DMD: variants seen among roughly 807,000 people sequenced by gnomAD.
DMD encodes the protein dystrophin.
In DMD, 63 loss-of-function variants were observed where a neutral mutation model predicts 330.1. The ratio of observed to expected loss-of-function variants is 0.19; its 90% CI spans 0.16 to 0.24. DMD has a LOEUF of 0.24. Among genes scored for constraint, DMD ranks in the 10% least tolerant of loss-of-function variants. DMD has a pLI of 1.00. For missense variants in DMD, 3,344 were observed against 2,684.1 expected (o/e 1.25, Z -5.43); for synonymous variants, 1,223 against 959.8 (o/e 1.27, Z -5.07).
chrX:33,119,357 T>G (rs1247241632), intron 1 of DMD, among the ~76,000 whole-genome samples: 1 of 112,761 alleles, frequency 8.9e-6, no homozygotes, highest in Admixed American at 9.4e-5. Context: ...ATGATGTTGT[T>G]TGTGACTCAG....
At chrX:32,885,499 C>A (rs2084429554) in intron 2 of DMD, among the ~76,000 whole-genome samples, 1 of 111,252 alleles carries the variant, frequency 9.0e-6, no homozygotes, top group African/African-American at 3.3e-5. Context: ...AGAAAACATG[C>A]ACATTACTTT....
chrX:33,077,677 A>AGTAT (rs2094866621), intron 1 of DMD, among the ~76,000 whole-genome samples: 1 of 112,024 alleles, frequency 8.9e-6, no homozygotes, highest in African/African-American at 3.2e-5. Flanking sequence ...TTATGTGAAT[A>AGTAT]GCCTACTATA....
chrX:31,366,507 A>AAAAAAAAAT (rs1556574494), intron 60 of DMD, among the ~76,000 whole-genome samples: 7 of 85,915 alleles, frequency 8.1e-5, no homozygotes, highest in African/African-American at 1.4e-4. Flanking sequence ...CATAAAAAAA[A>AAAAAAAAAT]AAATAAATAA....
intron 7 of DMD, among the ~76,000 whole-genome samples, chrX:32,724,146 C>G (rs765384868): frequency 1.8e-5 from 2 of 112,004 alleles, no homozygotes; most frequent in South Asian, 7.3e-4. Context: ...TTGAGGAAAT[C>G]CTTTCAAAAA....
intron 47 of DMD, among the ~76,000 whole-genome samples, chrX:31,915,408 A>G (rs1041016212): frequency 2.7e-5 from 3 of 112,110 alleles, no homozygotes; most frequent in Non-Finnish European, 5.6e-5. Context: ...ACATATCTAT[A>G]TTGTTTGAAA....
At chrX:31,683,764 G>T (rs2082520214) in intron 52 of DMD, among the ~76,000 whole-genome samples, 1 of 112,032 alleles carries the variant, frequency 8.9e-6, no homozygotes, top group Non-Finnish European at 1.9e-5. Context: ...GGAAAAGAAA[G>T]ATTTTCAAAA....
chrX:32,390,849 CA>C (rs965254604), intron 30 of DMD, among the ~76,000 whole-genome samples: 16 of 111,167 alleles, frequency 1.4e-4, no homozygotes, highest in Non-Finnish European at 2.8e-4. Flanking sequence ...CATTATGTGC[CA>C]TATTTCAGTT....
At chrX:33,077,704 A>C (rs945897309) in intron 1 of DMD, among the ~76,000 whole-genome samples, 2 of 112,329 alleles carry the variant, frequency 1.8e-5, no homozygotes, top group Non-Finnish European at 3.8e-5. Flanking sequence ...AATGAGTCCT[A>C]GGATGAGAAG....
intron 54 of DMD, among the ~76,000 whole-genome samples, chrX:31,634,528 T>G (rs2084692387): frequency 1.8e-5 from 2 of 111,709 alleles, no homozygotes; most frequent in Non-Finnish European, 3.8e-5. Flanking sequence ...TGTGTAAACT[T>G]CCTTCACTGA....
intron 6 of DMD, among the ~76,000 whole-genome samples, chrX:32,811,349 A>C (rs1469555602): frequency 9.0e-6 from 1 of 110,647 alleles, no homozygotes; most frequent in Non-Finnish European, 1.9e-5. Flanking sequence ...CTAAATAGAT[A>C]AATGAAAGAA....
rs186506185 is a variant in DMD at position 32,610,233 on chromosome X, C to A, written c.1482+4070G>T. ...AGACTCACTCTTGGGTGCCTCAAAG[C>A]TAAAGCAAACCTCTAAATTCTCTCC... On this transcript the variant is annotated intron_variant, in intron 12 of 78. Transcript: ENST00000357033. Among the ~76,000 whole-genome samples, 244 of 111,186 alleles carry A rather than the reference C, an allele frequency of 2.2e-3. 1 individual carries two copies. The highest frequency in any genetic ancestry group is 4.6e-3 in the Middle Eastern group (1 of 216).
intron 50 of DMD, among the ~76,000 whole-genome samples, chrX:31,777,239 T>G (rs1444360477): frequency 1.8e-5 from 2 of 111,600 alleles, no homozygotes; most frequent in Non-Finnish European, 3.8e-5. Context: ...TGATTTTAGC[T>G]ATTTTCACGA....
intron 1 of DMD, among the ~76,000 whole-genome samples, chrX:33,261,292 T>TAC (rs1461986739): frequency 5.4e-5 from 6 of 110,818 alleles, no homozygotes; most frequent in African/African-American, 2.0e-4. Context: ...ATTTAATATA[T>TAC]AGAAGAATAA....
chrX:32,360,471 T>C (rs1468138876), intron 37 of DMD, among the ~76,000 whole-genome samples: 1 of 111,561 alleles, frequency 9.0e-6, no homozygotes, highest in Non-Finnish European at 1.9e-5. Context: ...AAACATGTGA[T>C]TATTTTGTTA....
chrX:32,150,868 G>C (rs2147160725), intron 44 of DMD, among the ~76,000 whole-genome samples: 1 of 111,371 alleles, frequency 9.0e-6, no homozygotes, highest in East Asian at 2.8e-4. Flanking sequence ...AAAAGGCTAG[G>C]GAAAGAGAGC....
Position 31,208,910 on chromosome X carries a change from G to T in DMD, c.9563+588C>A, listed in dbSNP as rs191302116. ...TGTGTGCAATCCAAAACAAACAATTGTTCTCTAAGAGAGAGTGATGAATGG... is the reference window on the plus strand; with the variant it reads ...TGTGTGCAATCCAAAACAAACAATTTTTCTCTAAGAGAGAGTGATGAATGG... On this transcript the variant is annotated intron_variant, in intron 65 of 78. Transcript: ENST00000357033. 8.8e-4 allele frequency among the ~76,000 whole-genome samples: 98 copies of T among 110,990 alleles called. 1 individual carries two copies. The highest frequency in any genetic ancestry group is 3.2e-3 in the African/African-American group (97 of 30,575).
chrX:32,427,273 G>C (rs2098216976), intron 29 of DMD, among the ~76,000 whole-genome samples: 2 of 111,312 alleles, frequency 1.8e-5, no homozygotes, highest in Admixed American at 1.9e-4. Flanking sequence ...AGCTTTGATA[G>C]GAGCTGTCAT....
At chrX:31,874,807 C>G (rs1347737481) in intron 48 of DMD, among the ~76,000 whole-genome samples, 2 of 110,911 alleles carry the variant, frequency 1.8e-5, no homozygotes, top group Non-Finnish European at 3.8e-5. Flanking sequence ...CCACCATTCC[C>G]CAAGGGTTGT....
chrX:31,762,084 G>A (rs1327455972), intron 51 of DMD, among the ~76,000 whole-genome samples: 4 of 112,398 alleles, frequency 3.6e-5, no homozygotes, highest in Non-Finnish European at 7.5e-5. Flanking sequence ...GAATGGTCAC[G>A]TGACACATTT....
Sources: gnomAD v4.1 joint callset for allele counts (sites outside exome capture counted in the v4.1 genomes callset) on GRCh38, gnomAD v4.1.1 for gene constraint, MANE v1.5 for transcripts, NCBI Gene and HGNC (gene_info 2026-07-23, HGNC 2026-07-21) for gene names.